ADK: variants seen among roughly 807,000 people sequenced by gnomAD.
ADK encodes the protein N6,N6-dimethyladenosine kinase.
A neutral mutation model predicts 44.7 loss-of-function variants in ADK; 24 were observed. The observed-to-expected ratio is 0.54, with a 90% CI of 0.39 to 0.76. ADK has a LOEUF of 0.76. Ranked by LOEUF, ADK falls within the 30% of genes least tolerant of loss-of-function variation. The pLI is 0.00. For synonymous variants in ADK, 128 were observed against 142.6 expected, an observed-to-expected ratio of 0.90 and a Z score of 0.73; for missense variants, 321 against 425.1, an observed-to-expected ratio of 0.76 and a Z score of 2.15.
chr10:74,326,388 A>G (rs909411351), intron 4 of ADK, among the ~76,000 whole-genome samples: 1 of 151,770 alleles, frequency 6.6e-6, no homozygotes, highest in African/African-American at 2.4e-5. Context: ...AGAGGCCAGG[A>G]ATTTGAGGTC....
At chr10:74,174,341 A>C (rs1842258281) in intron 1 of ADK, 1 of 149,378 alleles carries the variant, frequency 6.7e-6, no homozygotes, top group Admixed American at 6.7e-5. Context: ...AAAAAAAAGA[A>C]CCAGCTTAAA....
intron 6 of ADK, among the ~76,000 whole-genome samples, chr10:74,431,254 A>G (rs1844987581): frequency 6.6e-6 from 1 of 152,128 alleles, no homozygotes; most frequent in African/African-American, 2.4e-5. Context: ...GATTCCATTT[A>G]CCAGGTTCCA....
At position 74,440,298 on chromosome 10, in the gene ADK, A is replaced by G. The variant is rs1845355973; in HGVS notation, c.555+41719A>G. 2.6e-5 allele frequency among the ~76,000 whole-genome samples: 4 copies of G among 152,128 alleles called. No individual in the cohort carries two copies. The South Asian group carries it at 8.3e-4, about 32-fold the overall frequency. On this transcript the variant is annotated intron_variant, in intron 6 of 10. Transcript: ENST00000539909. ...CTGTTATCCATTTGAAAAATGCAGG[A>G]ACTCAAGGTTAGAGAGGTTAAATAA...
chr10:74,591,644 TTTATC>T (rs1262942327), intron 8 of ADK, among the ~76,000 whole-genome samples: 4 of 152,186 alleles, frequency 2.6e-5, no homozygotes, highest in Non-Finnish European at 5.9e-5. Flanking sequence ...AATAAATCAC[TTTATC>T]TTAATAGTTT....
intron 1 of ADK, among the ~76,000 whole-genome samples, chr10:74,171,764 A>G (rs1365196991): frequency 1.3e-5 from 2 of 149,576 alleles, no homozygotes; most frequent in Non-Finnish European, 3.0e-5. Flanking sequence ...GTTACTCAGT[A>G]CTCTCTCTCT....
chr10:74,310,112 C>G (rs1479025629), intron 3 of ADK, among the ~76,000 whole-genome samples: 4 of 151,986 alleles, frequency 2.6e-5, no homozygotes, highest in South Asian at 4.1e-4. Flanking sequence ...CCTTCCAATT[C>G]TGTCAGGCTT....
chr10:74,705,573 G>T (rs898797972), intron 10 of ADK, among the ~76,000 whole-genome samples: 1 of 152,034 alleles, frequency 6.6e-6, no homozygotes, highest in African/African-American at 2.4e-5. Flanking sequence ...TCCAGTTTGG[G>T]GCTATTACAA....
intron 6 of ADK, among the ~76,000 whole-genome samples, chr10:74,427,727 A>G (rs1032032072): frequency 2.3e-4 from 34 of 148,508 alleles, no homozygotes; most frequent in South Asian, 4.3e-4. Flanking sequence ...ATGTATATGT[A>G]TGTGTGTGTG....
At chr10:74,604,382 A>G (rs1242943974) in intron 9 of ADK, among the ~76,000 whole-genome samples, 2 of 151,914 alleles carry the variant, frequency 1.3e-5, no homozygotes, top group Non-Finnish European at 1.5e-5. Flanking sequence ...TTATGGTTTT[A>G]TGTTTTATGT....
intron 6 of ADK, among the ~76,000 whole-genome samples, chr10:74,453,028 C>T (rs1394289927): frequency 6.6e-6 from 1 of 151,996 alleles, no homozygotes; most frequent in Non-Finnish European, 1.5e-5. Flanking sequence ...AGTAATTTTA[C>T]ATTTTGCTCA....
intron 3 of ADK, among the ~76,000 whole-genome samples, chr10:74,286,788 C>T (rs565678176): frequency 9.9e-5 from 15 of 152,272 alleles, no homozygotes; most frequent in African/African-American, 3.1e-4. Flanking sequence ...GCAAATGATT[C>T]GCATGTATTA....
intron 1 of ADK, among the ~76,000 whole-genome samples, chr10:74,184,402 T>C (rs1351264102): frequency 2.6e-5 from 4 of 152,110 alleles, no homozygotes; most frequent in Admixed American, 2.6e-4. Context: ...CAATCATGGC[T>C]CACTGTAACC....
At chr10:74,269,383 A>G (rs1846340533) in intron 3 of ADK, among the ~76,000 whole-genome samples, 1 of 152,226 alleles carries the variant, frequency 6.6e-6, no homozygotes, top group South Asian at 2.1e-4. Flanking sequence ...AACTCTGGTT[A>G]GCTACAAGCA....
chr10:74,534,150 A>G lies in ADK; in HGVS notation c.726+8724A>G, dbSNP rs138660827. ...GAGGCAGTGATCACAAACGGGCATG[A>G]GGAAACTTTTAGGAGTAATAGATGT... is the stretch of plus-strand genomic sequence containing the variant. On this transcript the variant is annotated intron_variant, in intron 7 of 10. Coordinates refer to ENST00000539909, the MANE Select transcript of ADK (RefSeq NM_006721.4). 2.1e-3 allele frequency among the ~76,000 whole-genome samples: 327 copies of G among 152,310 alleles called. 2 individuals are homozygous for G. Among genetic ancestry groups the G allele is most frequent in the African/African-American group, 7.4e-3 (309 of 41,566 alleles).
intron 8 of ADK, among the ~76,000 whole-genome samples, chr10:74,599,592 CAT>C (rs1341895623): frequency 6.6e-6 from 1 of 152,200 alleles, no homozygotes; most frequent in Non-Finnish European, 1.5e-5. Flanking sequence ...TGAATACAGA[CAT>C]GGATTTTCAA....
chr10:74,412,979 AC>A (rs748089055), intron 6 of ADK, among the ~76,000 whole-genome samples: 6 of 151,542 alleles, frequency 4.0e-5, no homozygotes, highest in Non-Finnish European at 7.4e-5. Context: ...AATTGCTTGA[AC>A]CCTGGAGGCG....
chr10:74,278,719 T>C (rs1167143584), intron 3 of ADK, among the ~76,000 whole-genome samples: 1 of 152,122 alleles, frequency 6.6e-6, no homozygotes, highest in Non-Finnish European at 1.5e-5. Flanking sequence ...AGAAGTACAG[T>C]GACTGTTTAT....
Position 74,221,601 on chromosome 10 carries a change from C to G in ADK, c.141-2937C>G, listed in dbSNP as rs527756117. ...CAAAAGAACAAAGCTGGAGGCATCA[C>G]GCTACCTGACTTCAAACTATACTAC... On this transcript the variant is annotated intron_variant, in intron 2 of 10. Coordinates refer to ENST00000539909, the MANE Select transcript of ADK (RefSeq NM_006721.4). 9.4e-3 allele frequency among the ~76,000 whole-genome samples: 1,393 copies of G among 147,580 alleles called. 9 individuals are homozygous for G. The highest frequency in any genetic ancestry group is 0.014 in the Admixed American group (201 of 14,838).
intron 4 of ADK, among the ~76,000 whole-genome samples, chr10:74,365,643 T>G (rs185861485): frequency 3.7e-4 from 57 of 152,358 alleles, no homozygotes; most frequent in Admixed American, 3.2e-3. Context: ...TTTAATTTCC[T>G]CTTTTTCAAT....
Sources: allele counts gnomAD v4.1 joint callset (sites outside exome capture counted in the v4.1 genomes callset), GRCh38; gene constraint gnomAD v4.1.1; transcripts MANE v1.5; gene names NCBI Gene and HGNC (gene_info 2026-07-23, HGNC 2026-07-21).